Variants in SLC24A3 observed in about 807,000 individuals in gnomAD.
SLC24A3 encodes the protein solute carrier family 24 member 3, also known as sodium/potassium/calcium exchanger 3.
A neutral mutation model predicts 75.8 loss-of-function variants in SLC24A3; 28 were observed. The ratio of observed to expected loss-of-function variants is 0.37; its 90% confidence interval spans 0.27 to 0.51. The LOEUF is 0.51. Among genes scored for constraint, SLC24A3 ranks in the 20% least tolerant of loss-of-function variants. The pLI, the probability that SLC24A3 is intolerant of heterozygous loss-of-function variation, is 0.94. For missense variants in SLC24A3, 663 were observed against 847.8 expected, an observed-to-expected ratio of 0.78 and a Z score of 2.71; for synonymous variants, 372 against 334.1, an observed-to-expected ratio of 1.11 and a Z score of -1.24.
intron 6 of SLC24A3, among the ~76,000 whole-genome samples, chr20:19,587,523 ACT>A (rs1486608276): frequency 2.6e-5 from 4 of 152,094 alleles, no homozygotes; most frequent in Non-Finnish European, 5.9e-5. Flanking sequence ...CCACGCGATG[ACT>A]CTGGATGCCA....
chr20:19,539,767 T>A (rs533670002), intron 3 of SLC24A3, among the ~76,000 whole-genome samples: 10 of 152,154 alleles, frequency 6.6e-5, no homozygotes, highest in African/African-American at 2.4e-4. Context: ...CCAGGGAAAA[T>A]TATCTGTTTT....
At chr20:19,322,348 TCTTTCCTTCCTTCCTTC>T (rs1188615846) in intron 2 of SLC24A3, among the ~76,000 whole-genome samples, 31 of 96,170 alleles carry the variant, frequency 3.2e-4, no homozygotes, top group African/African-American at 1.9e-3. Flanking sequence ...GATTGAGCCT[TCTTTCCTTCCTTCCTTC>T]CCTTCCTTCC....
chr20:19,294,315 T>A (rs1223235620), intron 2 of SLC24A3, among the ~76,000 whole-genome samples: 1 of 152,224 alleles, frequency 6.6e-6, no homozygotes, highest in Non-Finnish European at 1.5e-5. Context: ...TTATATTAAG[T>A]TCTGGGATAC....
intron 1 of SLC24A3, among the ~76,000 whole-genome samples, chr20:19,222,788 CCTTCCTTCCTTCCTTCCTT>C (rs1981758096): frequency 7.9e-6 from 1 of 125,934 alleles, no homozygotes; most frequent in African/African-American, 3.1e-5. Flanking sequence ...TCCCTCCCTT[CCTTCCTTCCTTCCTTCCTT>C]CCTTCCTTCG....
At chr20:19,403,467 A>G (rs928330611) in intron 2 of SLC24A3, among the ~76,000 whole-genome samples, 3 of 152,226 alleles carry the variant, frequency 2.0e-5, no homozygotes, top group African/African-American at 7.2e-5. Flanking sequence ...AACAGACCCC[A>G]TCTCTGCCTT....
intron 6 of SLC24A3, among the ~76,000 whole-genome samples, chr20:19,602,011 A>G (rs567844850): frequency 1.3e-3 from 200 of 152,120 alleles, no homozygotes; most frequent in African/African-American, 4.7e-3. Flanking sequence ...TGTCTCTACT[A>G]AAAATACAAA....
intron 6 of SLC24A3, among the ~76,000 whole-genome samples, chr20:19,611,717 C>T (rs1432653961): frequency 1.3e-5 from 2 of 152,184 alleles, no homozygotes; most frequent in African/African-American, 4.8e-5. Flanking sequence ...TCCAAATTTT[C>T]TCCCAATACA....
At chr20:19,606,024 A>C (rs930494137) in intron 6 of SLC24A3, among the ~76,000 whole-genome samples, 1 of 152,222 alleles carries the variant, frequency 6.6e-6, no homozygotes, top group Non-Finnish European at 1.5e-5. Flanking sequence ...GATATCCCCC[A>C]GCTGGACTTC....
chr20:19,274,084 G>C (rs537524600), intron 1 of SLC24A3, among the ~76,000 whole-genome samples: 1 of 151,312 alleles, frequency 6.6e-6, no homozygotes, highest in Non-Finnish European at 1.5e-5. Flanking sequence ...CTATTGAAGG[G>C]ACTGAAAACG....
intron 1 of SLC24A3, among the ~76,000 whole-genome samples, chr20:19,248,622 T>C (rs1483442129): frequency 6.6e-6 from 1 of 152,156 alleles, no homozygotes; most frequent in Non-Finnish European, 1.5e-5. Context: ...AGAGTTACTA[T>C]ATGATCCAGC....
intron 1 of SLC24A3, among the ~76,000 whole-genome samples, chr20:19,236,037 G>A (rs900313655): frequency 6.6e-6 from 1 of 152,196 alleles, no homozygotes; most frequent in Non-Finnish European, 1.5e-5. Flanking sequence ...TGACTCCAAC[G>A]TCCTGACCAC....
In SLC24A3 at chr20:19,717,592, C is replaced by T. The variant is rs759726612; in HGVS notation, c.1784C>T (p.Thr595Met). ...VGLLLASVFVTVFGVHLNKWQ... is the reference protein window; with the variant it reads ...VGLLLASVFVMVFGVHLNKWQ... The stretch of plus-strand genomic sequence containing the variant: ...TTGCTCCTGGCCTCTGTTTTTGTCA[C>T]GGTAGGTTGGCAGCTCTCTCCTCGT... The change falls in exon 16 of 17, where the codon ACG (threonine) becomes ATG (methionine). Residue 595 changes from threonine to methionine, a missense_variant and splice_region_variant. Coordinates refer to ENST00000328041, the MANE Select transcript of SLC24A3 (RefSeq NM_020689.4). 1.1e-5 allele frequency: 17 copies of T among 1,614,108 alleles called. No homozygotes were observed. The highest frequency in any genetic ancestry group is 5.3e-5 in the African/African-American group (4 of 75,042).
intron 2 of SLC24A3, among the ~76,000 whole-genome samples, chr20:19,425,919 T>C (rs1986998510): frequency 6.6e-6 from 1 of 152,192 alleles, no homozygotes; most frequent in Admixed American, 6.5e-5. Flanking sequence ...TTTGCGCACT[T>C]CCAGGCTTCC....
At chr20:19,486,641 ACAG>A (rs1484551138) in intron 2 of SLC24A3, among the ~76,000 whole-genome samples, 1 of 152,168 alleles carries the variant, frequency 6.6e-6, no homozygotes, top group East Asian at 1.9e-4. Context: ...AGCTCCATCA[ACAG>A]CACTGACCTC....
intron 3 of SLC24A3, among the ~76,000 whole-genome samples, chr20:19,528,766 C>A (rs2030243222): frequency 6.6e-6 from 1 of 152,148 alleles, no homozygotes; most frequent in African/African-American, 2.4e-5. Flanking sequence ...GTCTTTTCCT[C>A]TGTACTGTGG....
chr20:19,280,807 C>T, intron 1 of SLC24A3, 152 bp from the exon 2 acceptor site: 1 of 1,064,048 alleles, frequency 9.4e-7, no homozygotes. Context: ...ACTGGTGCGG[C>T]AAGGAAGCCT....
At chr20:19,584,503 A>T (rs1299714084) in intron 4 of SLC24A3, among the ~76,000 whole-genome samples, 1 of 152,174 alleles carries the variant, frequency 6.6e-6, no homozygotes, top group Admixed American at 6.5e-5. Flanking sequence ...CATCTCTTAA[A>T]AATCAGAATA....
At chr20:19,329,722 T>A (rs760649805) in intron 2 of SLC24A3, among the ~76,000 whole-genome samples, 10 of 152,206 alleles carry the variant, frequency 6.6e-5, no homozygotes, top group Non-Finnish European at 1.3e-4. Context: ...CCCAGAAATA[T>A]TTTTCCCCCT....
At chr20:19,555,497 T>C (rs546153829) in intron 3 of SLC24A3, among the ~76,000 whole-genome samples, 17 of 152,350 alleles carry the variant, frequency 1.1e-4, no homozygotes, top group Middle Eastern at 3.4e-3. Context: ...TATCCTAGAA[T>C]GGTAGACAAT....
Sources: gnomAD v4.1 joint callset for allele counts (sites outside exome capture counted in the v4.1 genomes callset) on GRCh38, gnomAD v4.1.1 for gene constraint, MANE v1.5 for transcripts, NCBI Gene and HGNC (gene_info 2026-07-23, HGNC 2026-07-21) for gene names.